Variants in FAXC observed in about 807,000 individuals in gnomAD.
The protein encoded by FAXC is failed axon connections homolog.
Under a neutral mutation model 41.9 loss-of-function variants are expected in FAXC, and 10 were observed. That is an observed-to-expected ratio of 0.24 (90% CI 0.15 to 0.41). The LOEUF (loss-of-function observed/expected upper bound fraction) is 0.41, where lower values mean the gene tolerates loss of function less well. Ranked by LOEUF, FAXC falls within the 10% of genes least tolerant of loss-of-function variation. The pLI is 1.00. For synonymous variants in FAXC, 183 were observed against 183.8 expected (o/e 1.00, Z 0.03); for missense variants, 399 against 510.9 (o/e 0.78, Z 2.11).
chr6:99,284,786 C>T (rs569020201), intron 5 of FAXC, among the ~76,000 whole-genome samples: 216 of 151,874 alleles, frequency 1.4e-3, no homozygotes, highest in African/African-American at 5.0e-3. Flanking sequence ...TGGTAGCAGG[C>T]GCCTGTGGTC....
chr6:99,329,716 T>TAA (rs1465634628), intron 3 of FAXC, among the ~76,000 whole-genome samples: 3 of 152,002 alleles, frequency 2.0e-5, no homozygotes, highest in African/African-American at 7.2e-5. Context: ...GAGTAGTCTC[T>TAA]TGGCTTTTAG....
chr6:99,330,623 G>C (rs558686186), intron 3 of FAXC, among the ~76,000 whole-genome samples: 5 of 152,134 alleles, frequency 3.3e-5, no homozygotes, highest in African/African-American at 9.7e-5. Context: ...TGTTTTTAAG[G>C]TTTCAGGCCA....
rs1382010265 is a variant in FAXC at position 99,316,310 on chromosome 6, G to C, written c.823+7134C>G. Among the ~76,000 whole-genome samples the C allele has an allele frequency of 2.0e-5, 3 of 152,160 alleles. No individual in the cohort carries two copies. The East Asian group carries it at 5.8e-4, about 29-fold the overall frequency. ...ACAGGATAAGGTGTATAAAACCACAGAAAGGGTTTGACAACAACCCAAGGC... is the reference window on the plus strand; with the variant it reads ...ACAGGATAAGGTGTATAAAACCACACAAAGGGTTTGACAACAACCCAAGGC... On this transcript the variant is annotated intron_variant, in intron 4 of 5. Coordinates refer to ENST00000389677, the MANE Select transcript of FAXC (RefSeq NM_032511.4).
intron 4 of FAXC, among the ~76,000 whole-genome samples, chr6:99,308,034 C>T (rs1350028070): frequency 6.6e-6 from 1 of 152,176 alleles, no homozygotes; most frequent in African/African-American, 2.4e-5. Context: ...CAGTGGCTTA[C>T]ACCTGTAATC....
At chr6:99,307,942 A>C (rs1335643222) in intron 4 of FAXC, among the ~76,000 whole-genome samples, 2 of 152,188 alleles carry the variant, frequency 1.3e-5, no homozygotes, top group Admixed American at 6.5e-5. Flanking sequence ...TAAAAAAAAA[A>C]CCTCAACATT....
At chr6:99,284,504 C>T (rs1366544430) in intron 5 of FAXC, among the ~76,000 whole-genome samples, 2 of 151,554 alleles carry the variant, frequency 1.3e-5, no homozygotes, top group Non-Finnish European at 2.9e-5. Context: ...ACTTAACATG[C>T]TACTGGACAA....
chr6:99,277,694 C>T lies in FAXC; in HGVS notation c.*3470G>A, dbSNP rs937469757. 14 of 152,088 alleles carry T rather than the reference C, an allele frequency of 9.2e-5. No individual in the cohort carries two copies. The highest frequency in any genetic ancestry group is 3.4e-4 in the African/African-American group (14 of 41,422). 9.4% of individuals were successfully genotyped at this position (152,088 alleles called of 1,614,324 possible). On this transcript the variant is annotated 3_prime_UTR_variant, in exon 6 of 6. Transcript: ENST00000389677. ...TGCTGGTTGTCTGAACACAGGGTGA[C>T]TTCTCAGGTAACATGCATTTTATAA...
At chr6:99,324,569 T>C (rs1372688473) in intron 3 of FAXC, among the ~76,000 whole-genome samples, 1 of 152,210 alleles carries the variant, frequency 6.6e-6, no homozygotes, top group Non-Finnish European at 1.5e-5. Flanking sequence ...AGTGGTAAAC[T>C]TGCTCATTCG....
chr6:99,302,050 T>C (rs1771732458), intron 4 of FAXC, among the ~76,000 whole-genome samples: 4 of 152,210 alleles, frequency 2.6e-5, no homozygotes, highest in Admixed American at 6.5e-5. Context: ...CTGCTCAAGG[T>C]GTCTCACAGG....
chr6:99,324,343 C>G (rs1022847388), intron 3 of FAXC, among the ~76,000 whole-genome samples: 1 of 152,170 alleles, frequency 6.6e-6, no homozygotes, highest in African/African-American at 2.4e-5. Flanking sequence ...GCTGTGACTA[C>G]AGGCATGCAC....
chr6:99,338,948 GAA>G (rs1238002360), intron 2 of FAXC, among the ~76,000 whole-genome samples: 1 of 152,018 alleles, frequency 6.6e-6, no homozygotes, highest in Non-Finnish European at 1.5e-5. Context: ...GCCCCAATCC[GAA>G]GTCTGGACTC....
At chr6:99,313,949 CTG>C (rs1306492322) in intron 4 of FAXC, among the ~76,000 whole-genome samples, 1 of 152,330 alleles carries the variant, frequency 6.6e-6, no homozygotes, top group East Asian at 1.9e-4. Context: ...TCCTCCAACT[CTG>C]TGAATGGCTA....
At chr6:99,297,351 A>C (rs1771537073) in intron 4 of FAXC, among the ~76,000 whole-genome samples, 1 of 152,150 alleles carries the variant, frequency 6.6e-6, no homozygotes, top group African/African-American at 2.4e-5. Flanking sequence ...TAGAGGACAA[A>C]GACACACAGT....
rs746400139 is a variant in FAXC, at chr6:99,323,445, C to T, written c.822G>A (p.Leu274=). Residue 274 remains leucine, a splice_region_variant and synonymous_variant, in exon 4 of 6, where the codon TTG becomes TTA. Transcript: ENST00000389677. ...EKDMRSLAGL[L]GDKKYIMGPK... ...GAAATAGAAGGTGTGGTACATTACC[C>T]AAAAGCCCTGCTAAAGACCGCATGT... 16 of 1,613,594 alleles carry T rather than the reference C, an allele frequency of 9.9e-6. No individual in the cohort carries two copies. The highest frequency in any genetic ancestry group is 1.3e-5 in the African/African-American group (1 of 74,926).
In FAXC at chr6:99,281,209, C is replaced by G. The variant is rs200236453; in HGVS notation, c.1185G>C (p.Ser395=). ...TDFTGHSLFD[S]DVDMDDYTDH... Reference sequence around the variant, plus strand: ...CTGTATAGTCATCCATGTCCACATCCGAATCAAAGAGTGAGTGTCCAGTAA... The same window carrying G: ...CTGTATAGTCATCCATGTCCACATCGGAATCAAAGAGTGAGTGTCCAGTAA... Residue 395 remains serine (S), a synonymous_variant, in exon 6 of 6, where the codon TCG becomes TCC. Transcript: ENST00000389677. 1 of 1,587,538 alleles carries G rather than the reference C, an allele frequency of 6.3e-7. No homozygotes were observed. The highest frequency in any genetic ancestry group is 2.2e-5 in the East Asian group (1 of 44,718).
At chr6:99,303,786 G>T (rs1264056915) in intron 4 of FAXC, among the ~76,000 whole-genome samples, 1 of 152,166 alleles carries the variant, frequency 6.6e-6, no homozygotes, top group Non-Finnish European at 1.5e-5. Flanking sequence ...TAGAAGGTGA[G>T]TCTAAGAGGT....
intron 5 of FAXC, among the ~76,000 whole-genome samples, chr6:99,286,478 A>G (rs1771033731): frequency 6.6e-6 from 1 of 152,214 alleles, no homozygotes; most frequent in African/African-American, 2.4e-5. Context: ...CCACTTTTTA[A>G]TCTATCAAGT....
Position 99,349,517 on chromosome 6 carries a change from GGAGGCGGCGGCA to G in FAXC, c.-157_-146del, listed in dbSNP as rs1252294398. On this transcript the variant is annotated 5_prime_UTR_variant, in exon 1 of 6. Coordinates refer to ENST00000389677, the MANE Select transcript of FAXC (RefSeq NM_032511.4). ...CGACTGAGGAGGCGGCGGCGACTGA[GGAGGCGGCGGCA>G]GAGGAGGAGGAGGAGGAAGGGCACT... 120 of 464,782 alleles carry G rather than the reference GGAGGCGGCGGCA, an allele frequency of 2.6e-4. No individual in the cohort carries two copies. Among genetic ancestry groups the G allele is most frequent in the East Asian group, 8.6e-4 (5 of 5,822 alleles). The allele number at this position is 464,782 out of a possible 1,614,324, so 28.8% of individuals were successfully genotyped here.
intron 3 of FAXC, among the ~76,000 whole-genome samples, chr6:99,330,442 T>C (rs548184007): frequency 6.6e-6 from 1 of 152,306 alleles, no homozygotes; most frequent in Non-Finnish European, 1.5e-5. Flanking sequence ...TCAGTAACAG[T>C]TTTTATAATG....
Sources: gnomAD v4.1 joint callset for allele counts (sites outside exome capture counted in the v4.1 genomes callset) on GRCh38, gnomAD v4.1.1 for gene constraint, MANE v1.5 for transcripts, NCBI Gene and HGNC (gene_info 2026-07-23, HGNC 2026-07-21) for gene names.